CRMP1: variants seen among roughly 807,000 people sequenced by gnomAD.
CRMP1 encodes the protein dihydropyrimidinase-related protein 1.
A neutral mutation model predicts 68.3 loss-of-function variants in CRMP1; 19 were observed. The observed-to-expected ratio is 0.28, with a 90% confidence interval of 0.19 to 0.41. The LOEUF is 0.41. CRMP1 is among the 10% of genes least tolerant of loss of function. CRMP1 has a pLI of 1.00. For synonymous variants in CRMP1, 439 were observed against 399.6 expected (o/e 1.10, Z -1.18); for missense variants, 791 against 967.4 (o/e 0.82, Z 2.42).
In CRMP1 at chr4:5,866,727, C is replaced by G. The variant is rs1456026145; in HGVS notation, c.411G>C (p.Arg137=). ...QSDRLLIKGG[R]IINDDQSLYA... ...AAAGGGATTGGTCATCGTTGATGAT[C>G]CGTCCACCTTTGATGAGGAGTCGGT... The change falls in exon 2 of 14, where the codon CGG becomes CGC. Residue 137 remains arginine (R), a synonymous_variant. Transcript: ENST00000324989. This position sits in a 1 kb window ranked among gnomAD's most constrained non-coding sequence, Gnocchi z 5.9. 1.2e-6 allele frequency: 2 copies of G among 1,612,954 alleles called. No individual in the cohort carries two copies. The highest frequency in any genetic ancestry group is 1.7e-6 in the Non-Finnish European group (2 of 1,179,766).
rs1432989409 is a variant in CRMP1, at chr4:5,889,707, T to C, written c.381+2882A>G. The C allele has an allele frequency of 6.5e-7, 1 of 1,535,930 alleles. No individual in the cohort carries two copies. Among genetic ancestry groups the C allele is most frequent in the Non-Finnish European group, 8.7e-7 (1 of 1,146,868 alleles). The stretch of plus-strand genomic sequence containing the variant: ...ATGAAACTACTCATCTTTTCTGCTT[T>C]CAAGTTGCCATCCAGAGCGAGGGTG... On this transcript the variant is annotated intron_variant, in intron 1 of 13. Transcript: ENST00000324989. This position sits in a 1 kb window ranked among gnomAD's most constrained non-coding sequence, Gnocchi z 4.5.
intron 12 of CRMP1, chr4:5,828,068 T>A (rs376466424): frequency 3.5e-5 from 34 of 985,430 alleles, no homozygotes; most frequent in Middle Eastern, 5.2e-4. Flanking sequence ...GGGTAACACC[T>A]TGCTCCACAG....
At chr4:5,831,864 C>T (rs985074268) in intron 11 of CRMP1, among the ~76,000 whole-genome samples, 4 of 152,214 alleles carry the variant, frequency 2.6e-5, no homozygotes, top group African/African-American at 7.2e-5. Context: ...TCTTGCCATC[C>T]ATGAGCCCCA....
rs1714508334 is a variant in CRMP1, at chr4:5,872,250, A to C, written c.382-5494T>G. Among the ~76,000 whole-genome samples, 1 of 152,180 alleles carries C rather than the reference A, an allele frequency of 6.6e-6. No individual in the cohort carries two copies. Among genetic ancestry groups the C allele is most frequent in the South Asian group, 2.1e-4 (1 of 4,818 alleles). On this transcript the variant is annotated intron_variant, in intron 1 of 13. Transcript: ENST00000324989. This position sits in a 1 kb window ranked among gnomAD's most constrained non-coding sequence, Gnocchi z 4.6. ...ATACTAAAAAAGTAAATGTTACATA[A>C]TATATGTTTTTAAAATTAATAACAC...
Position 5,825,524 on chromosome 4 carries a change from T to A in CRMP1, c.1939A>T (p.Asn647Tyr). ...AAGCTGAAGTTGGACTGGTGGAGGT[T>A]TCTGATGGGTGGGGGCTGGTGTTTA... Reference protein sequence around the residue: ...PSKHQPPPIRNLHQSNFSLSG... With the variant: ...PSKHQPPPIRYLHQSNFSLSG... Residue 647 changes from asparagine to tyrosine, a missense_variant, in exon 13 of 14, where the codon AAC becomes TAC. This residue lies in a region of CRMP1 where 594 missense variants were observed against 763.6 expected (regional missense o/e 0.78). Coordinates refer to ENST00000324989, the MANE Select transcript of CRMP1 (RefSeq NM_001014809.3). The surrounding 1 kb of genome is among the most constrained non-coding windows in gnomAD (Gnocchi z 4.4). 1 of 1,578,992 alleles carries A rather than the reference T, an allele frequency of 6.3e-7. No homozygotes were observed. Among genetic ancestry groups the A allele is most frequent in the African/African-American group, 1.4e-5 (1 of 72,406 alleles).
At position 5,893,067 on chromosome 4, in the gene CRMP1, G is replaced by T. The variant is rs1051282304; in HGVS notation, c.-98C>A. The stretch of plus-strand genomic sequence containing the variant: ...GCTCCGCGCCTCGGTGCGGGCCTGC[G>T]GCGGCCCGGGCGCGACTGCGGCCCA... On this transcript the variant is annotated 5_prime_UTR_variant, in exon 1 of 14. Coordinates refer to ENST00000324989, the MANE Select transcript of CRMP1 (RefSeq NM_001014809.3). 19 of 833,804 alleles carry T rather than the reference G, an allele frequency of 2.3e-5. No homozygotes were observed. Among genetic ancestry groups the T allele is most frequent in the Non-Finnish European group, 2.2e-5 (15 of 692,420 alleles). 51.7% of individuals were successfully genotyped at this position (833,804 alleles called of 1,614,324 possible).
In CRMP1 at chr4:5,841,240, C is replaced by T. The variant is rs1711703446; in HGVS notation, c.1153+68G>A. 21 of 1,612,768 alleles carry T rather than the reference C, an allele frequency of 1.3e-5. No individual in the cohort carries two copies. The highest frequency in any genetic ancestry group is 1.7e-4 in the Middle Eastern group (1 of 6,040). ...CTGTCTGAGTTCGGGAGGGAGTGAACTTGAACCTGCAGGACACCCCCTTCC... is the reference window on the plus strand; with the variant it reads ...CTGTCTGAGTTCGGGAGGGAGTGAATTTGAACCTGCAGGACACCCCCTTCC... On this transcript the variant is annotated intron_variant, in intron 8 of 13. Coordinates refer to ENST00000324989, the MANE Select transcript of CRMP1 (RefSeq NM_001014809.3). The surrounding 1 kb of genome is among the most constrained non-coding windows in gnomAD (Gnocchi z 6.9).
Position 5,888,268 on chromosome 4 carries a change from G to GC in CRMP1, c.381+4320dup, listed in dbSNP as rs757233371. On this transcript the variant is annotated intron_variant, in intron 1 of 13. Coordinates refer to ENST00000324989, the MANE Select transcript of CRMP1 (RefSeq NM_001014809.3). This position sits in a 1 kb window ranked among gnomAD's most constrained non-coding sequence, Gnocchi z 6.4. ...GCTCTTCTTGCCCTGGTACGACATG[G>GC]CCCCCTCTGGCGCCCTCGGCCCGGC... is the stretch of plus-strand genomic sequence containing the variant. The GC allele has an allele frequency of 1.6e-6, 2 of 1,278,190 alleles. No individual in the cohort carries two copies. The highest frequency in any genetic ancestry group is 2.0e-6 in the Non-Finnish European group (2 of 1,005,450). 79.2% of individuals were successfully genotyped at this position (1,278,190 alleles called of 1,614,324 possible).
chr4:5,884,393 C>CA (rs1715423314), intron 1 of CRMP1, among the ~76,000 whole-genome samples: 1 of 151,050 alleles, frequency 6.6e-6, no homozygotes, highest in Non-Finnish European at 1.5e-5. Context: ...ACACACACAC[C>CA]CCCACACCCA....
chr4:5,824,751 C>G (rs912840450), intron 13 of CRMP1: 62 of 985,254 alleles, frequency 6.3e-5, no homozygotes, highest in Middle Eastern at 1.0e-3. Context: ...TCACCATACT[C>G]TTAGTACCCA....
rs1363799831 is a variant in CRMP1, at chr4:5,835,802, G to A, written c.1623+113C>T. 3 of 1,215,970 alleles carry A rather than the reference G, an allele frequency of 2.5e-6. No homozygotes were observed. In the Admixed American group the frequency reaches 9.2e-5, roughly 37 times the overall value. The allele number at this position is 1,215,970 out of a possible 1,614,324, so 75.3% of individuals were successfully genotyped here. A position where few individuals can be genotyped will look rare whatever the true frequency, so the allele number is the denominator to read the frequency against. Reference sequence around the variant, plus strand: ...AAATGGGAATGACTGAGTCAGGCTAGATATCAGATCACATCCTAGTTGGAA... The same window carrying A: ...AAATGGGAATGACTGAGTCAGGCTAAATATCAGATCACATCCTAGTTGGAA... On this transcript the variant is annotated intron_variant, in intron 11 of 13. Coordinates refer to ENST00000324989, the MANE Select transcript of CRMP1 (RefSeq NM_001014809.3).
chr4:5,821,716 T>TGATTCCCAGAATCCTTCAGGCTAGCTCC lies in CRMP1; in HGVS notation c.*16_*43dup. 7 of 1,533,478 alleles carry TGATTCCCAGAATCCTTCAGGCTAGCTCC rather than the reference T, an allele frequency of 4.6e-6. No homozygotes were observed. Among genetic ancestry groups the TGATTCCCAGAATCCTTCAGGCTAGCTCC allele is most frequent in the Non-Finnish European group, 6.2e-6 (7 of 1,124,382 alleles). 95.0% of individuals were successfully genotyped at this position (1,533,478 alleles called of 1,614,324 possible). On this transcript the variant is annotated 3_prime_UTR_variant, in exon 14 of 14. Transcript: ENST00000324989. This position sits in a 1 kb window ranked among gnomAD's most constrained non-coding sequence, Gnocchi z 4.4. ...ACACTGACAGGAAAAGGGATGGACA[T>TGATTCCCAGAATCCTTCAGGCTAGCTCC]GATTCCCAGAATCCTTCAGGCTAGC... is the stretch of plus-strand genomic sequence containing the variant.
rs1415058233 is a variant in CRMP1, at chr4:5,860,288, G to A, written c.655+738C>T. Among the ~76,000 whole-genome samples, 1 of 152,182 alleles carries A rather than the reference G, an allele frequency of 6.6e-6. No individual in the cohort carries two copies. Among genetic ancestry groups the A allele is most frequent in the Non-Finnish European group, 1.5e-5 (1 of 68,040 alleles). ...TTTCGGCCAGAACCCCCTGCATTCT[G>A]CCATCCACCAGGAGAACAGAGTGGC... On this transcript the variant is annotated intron_variant, in intron 3 of 13. Coordinates refer to ENST00000324989, the MANE Select transcript of CRMP1 (RefSeq NM_001014809.3). The surrounding 1 kb of genome is among the most constrained non-coding windows in gnomAD (Gnocchi z 4.2).
At chr4:5,839,002 G>A (rs1720910703) in intron 9 of CRMP1, among the ~76,000 whole-genome samples, 1 of 152,172 alleles carries the variant, frequency 6.6e-6, no homozygotes, top group Non-Finnish European at 1.5e-5. Context: ...AGAAGGGAAG[G>A]GGCTGAGGTG....
At position 5,854,433 on chromosome 4, in the gene CRMP1, C is replaced by T. The variant is rs1467655404; in HGVS notation, c.820+1710G>A. Among the ~76,000 whole-genome samples, 1 of 125,210 alleles carries T rather than the reference C, an allele frequency of 8.0e-6. No individual in the cohort carries two copies. The allele number at this position is 125,210 out of a possible 152,430, so 82.1% of individuals were successfully genotyped here. The stretch of plus-strand genomic sequence containing the variant: ...TTTTTTTTTTTTTTTTTAATAGAGT[C>T]GTGGTCTCACTATGTTGCCCAGGCT... On this transcript the variant is annotated intron_variant, in intron 4 of 13. Coordinates refer to ENST00000324989, the MANE Select transcript of CRMP1 (RefSeq NM_001014809.3). This position sits in a 1 kb window ranked among gnomAD's most constrained non-coding sequence, Gnocchi z 4.0.
chr4:5,869,681 C>CAAAAAAA (rs33973891), intron 1 of CRMP1, among the ~76,000 whole-genome samples: 5 of 92,898 alleles, frequency 5.4e-5, no homozygotes, highest in African/African-American at 8.5e-5. Context: ...AAGACTCCGT[C>CAAAAAAA]AAAAAAAAAA....
At position 5,889,479 on chromosome 4, in the gene CRMP1, G is replaced by A; in HGVS notation, c.381+3110C>T. 2.3e-6 allele frequency: 3 copies of A among 1,313,326 alleles called. No individual in the cohort carries two copies. Among genetic ancestry groups the A allele is most frequent in the South Asian group, 1.3e-5 (1 of 76,118 alleles). The allele number at this position is 1,313,326 out of a possible 1,614,324, so 81.4% of individuals were successfully genotyped here. On this transcript the variant is annotated intron_variant, in intron 1 of 13. Coordinates refer to ENST00000324989, the MANE Select transcript of CRMP1 (RefSeq NM_001014809.3). The surrounding 1 kb of genome is among the most constrained non-coding windows in gnomAD (Gnocchi z 4.5). ...TCCAGATGTTGCTCCAGAGGGAGGT[G>A]GGCAGGAAGCCAGGTCACAGCTTGA...
At chr4:5,837,882 T>G (rs1362960706) in intron 9 of CRMP1, among the ~76,000 whole-genome samples, 2 of 152,016 alleles carry the variant, frequency 1.3e-5, no homozygotes, top group Admixed American at 1.3e-4. Flanking sequence ...CCGGTACAAT[T>G]TAAGGAATGG....
chr4:5,885,049 C>A (rs995495250), intron 1 of CRMP1, among the ~76,000 whole-genome samples: 3 of 151,706 alleles, frequency 2.0e-5, no homozygotes, highest in African/African-American at 7.3e-5. Flanking sequence ...TCCTTGGGGG[C>A]AGGAGCTAAG....
Sources: allele counts gnomAD v4.1 joint callset (sites outside exome capture counted in the v4.1 genomes callset), GRCh38; gene constraint gnomAD v4.1.1; regional missense constraint gnomAD v4.1.1; non-coding constraint Gnocchi (gnomAD v3.1); transcripts MANE v1.5; gene names NCBI Gene and HGNC (gene_info 2026-07-23, HGNC 2026-07-21).